Variants in EPC2 observed in about 807,000 individuals in gnomAD.
The protein encoded by EPC2 is enhancer of polycomb homolog 2.
EPC2 carries 14 observed loss-of-function variants against 92.1 expected under a neutral mutation model. The observed-to-expected ratio is 0.15, with a 90% CI of 0.10 to 0.24. EPC2 has a LOEUF of 0.24. Among genes scored for constraint, EPC2 ranks in the 10% least tolerant of loss-of-function variants. EPC2 has a pLI of 1.00. For synonymous variants in EPC2, 340 were observed against 334.7 expected (o/e 1.02, Z -0.17); for missense variants, 755 against 971.5 (o/e 0.78, Z 2.96).
chr2:148,769,419 G>A (rs1042262473), intron 8 of EPC2, among the ~76,000 whole-genome samples, 179 bp downstream of exon 8: 1 of 152,082 alleles, frequency 6.6e-6, no homozygotes, highest in Non-Finnish European at 1.5e-5. Flanking sequence ...AAAGGGCGTC[G>A]GAATCCTCTT....
intron 2 of EPC2, chr2:148,692,679 C>T (rs1681668304): frequency 6.6e-6 from 1 of 152,136 alleles, no homozygotes; most frequent in Admixed American, 6.5e-5. Flanking sequence ...TTAAGGATCT[C>T]TCTTAAGCCA....
chr2:148,677,956 A>G (rs1353594227), intron 1 of EPC2, among the ~76,000 whole-genome samples: 1 of 152,168 alleles, frequency 6.6e-6, no homozygotes, highest in Non-Finnish European at 1.5e-5. Context: ...AAAGAGCGAA[A>G]GAACAAAGCT....
At chr2:148,697,165 C>T (rs1358086540) in intron 2 of EPC2, among the ~76,000 whole-genome samples, 1 of 152,204 alleles carries the variant, frequency 6.6e-6, no homozygotes, top group African/African-American at 2.4e-5. Context: ...TAATCCAGGC[C>T]ATCTGGCTCC....
Position 148,644,898 on chromosome 2 carries a change from G to A in EPC2, c.-120G>A, listed in dbSNP as rs1054970502. The A allele has an allele frequency of 4.7e-6, 4 of 848,196 alleles. No homozygotes were observed. In the Admixed American group the frequency reaches 9.1e-5, roughly 19 times the overall value. 52.5% of individuals were successfully genotyped at this position (848,196 alleles called of 1,614,324 possible). A position where few individuals can be genotyped will look rare whatever the true frequency, so the allele number is the denominator to read the frequency against. ...TGTGGCCGGGGGCAGTGAGGAGGAG[G>A]AGGAGCGGGCCGGCCGCGCTGCACT... On this transcript the variant is annotated 5_prime_UTR_variant, in exon 1 of 14. Transcript: ENST00000258484.
rs763560365 is a variant in EPC2, at chr2:148,784,787, T to C, written c.2137T>C (p.Cys713Arg). 1.9e-6 allele frequency: 3 copies of C among 1,613,918 alleles called. No homozygotes were observed. In the East Asian group the frequency reaches 6.7e-5, roughly 36 times the overall value. ...TACAAACCACTTAATCCCAGCATTGTGCACAAGCAGTCCTCAGACACTTCC... is the reference window on the plus strand; with the variant it reads ...TACAAACCACTTAATCCCAGCATTGCGCACAAGCAGTCCTCAGACACTTCC... Reference protein sequence around the residue: ...TTTNHLIPALCTSSPQTLPMN... With the variant: ...TTTNHLIPALRTSSPQTLPMN... Residue 713 changes from cysteine to arginine, a missense_variant, in exon 13 of 14, where the codon TGC (cysteine) becomes CGC (arginine). Cys to Arg is a radical substitution (Grantham distance 180). Around this residue, in one of 4 missense-constraint regions of EPC2, gnomAD observed 207 missense variants for 260.5 expected, o/e 0.79. Coordinates refer to ENST00000258484, the MANE Select transcript of EPC2 (RefSeq NM_015630.4).
At chr2:148,777,225 G>T (rs1683665031) in intron 10 of EPC2, among the ~76,000 whole-genome samples, 1 of 151,624 alleles carries the variant, frequency 6.6e-6, no homozygotes, top group Admixed American at 6.6e-5. Flanking sequence ...AGACTGACCT[G>T]GTAGATGAAG....
chr2:148,772,224 A>C (rs907790799), intron 10 of EPC2, among the ~76,000 whole-genome samples: 1 of 152,212 alleles, frequency 6.6e-6, no homozygotes, highest in African/African-American at 2.4e-5. Context: ...ATAATGTATA[A>C]TATCTAGAGA....
chr2:148,696,425 A>G (rs1487220321), intron 2 of EPC2, among the ~76,000 whole-genome samples: 2 of 152,230 alleles, frequency 1.3e-5, no homozygotes, highest in Non-Finnish European at 2.9e-5. Flanking sequence ...TCCACTTTTC[A>G]AAAAAGAAAA....
rs370991144 is a variant in EPC2, at chr2:148,775,927, A to G, written c.1720+4540A>G. ...CAAGTAGCTGGGACTACAGGTGCCCACCACCACACCTGCCTAATTGTTTTT... is the reference window on the plus strand; with the variant it reads ...CAAGTAGCTGGGACTACAGGTGCCCGCCACCACACCTGCCTAATTGTTTTT... On this transcript the variant is annotated intron_variant, in intron 10 of 13. Transcript: ENST00000258484. 1.1e-3 allele frequency among the ~76,000 whole-genome samples: 168 copies of G among 151,390 alleles called. 2 individuals are homozygous for G. In the East Asian group the frequency reaches 0.027, roughly 25 times the overall value.
rs896471875 is a variant in EPC2, at chr2:148,654,273, A to C, written c.153+9103A>C. 2.0e-5 allele frequency among the ~76,000 whole-genome samples: 3 copies of C among 152,086 alleles called. No individual in the cohort carries two copies. In the South Asian group the frequency reaches 6.2e-4, roughly 31 times the overall value. ...AGATTACATTTTTTTGTAAAAACTT[A>C]AGTCTGTGTCTTATAGGCAACACTC... On this transcript the variant is annotated intron_variant, in intron 1 of 13. Transcript: ENST00000258484.
intron 1 of EPC2, among the ~76,000 whole-genome samples, chr2:148,658,359 T>A (rs1475444139): frequency 6.6e-6 from 1 of 151,994 alleles, no homozygotes; most frequent in Non-Finnish European, 1.5e-5. Flanking sequence ...CATAAAAATG[T>A]GAAAAACATG....
chr2:148,783,476 C>G, intron 11 of EPC2, 121 bp from the exon 12 acceptor site: 1 of 914,300 alleles, frequency 1.1e-6, no homozygotes, highest in Non-Finnish European at 1.6e-6. Flanking sequence ...ATCGCTTAAT[C>G]TAAACACTTG....
chr2:148,654,256 T>A (rs1456331562), intron 1 of EPC2, among the ~76,000 whole-genome samples: 2 of 152,158 alleles, frequency 1.3e-5, no homozygotes, highest in Admixed American at 6.5e-5. Flanking sequence ...CAAGATTACA[T>A]TTTTTTGTAA....
chr2:148,652,317 C>T (rs1416823822), intron 1 of EPC2, among the ~76,000 whole-genome samples: 1 of 152,104 alleles, frequency 6.6e-6, no homozygotes, highest in African/African-American at 2.4e-5. Flanking sequence ...AATTTGTATA[C>T]TTAGTGTGTT....
intron 1 of EPC2, among the ~76,000 whole-genome samples, chr2:148,658,742 TTTAC>T (rs1680869669): frequency 6.6e-6 from 1 of 151,944 alleles, no homozygotes; most frequent in African/African-American, 2.4e-5. Context: ...AAAACGCTGC[TTTAC>T]TTAATTCAGC....
intron 1 of EPC2, among the ~76,000 whole-genome samples, chr2:148,682,930 T>C (rs1443238493): frequency 6.6e-6 from 1 of 152,196 alleles, no homozygotes; most frequent in African/African-American, 2.4e-5. Context: ...TTAATGTGTC[T>C]CTTTTGGCAA....
intron 8 of EPC2, 23 bp downstream of exon 8, chr2:148,769,263 G>C (rs1003928542): frequency 6.4e-7 from 1 of 1,559,934 alleles, no homozygotes; most frequent in Admixed American, 1.8e-5. Context: ...GTGTGTGTGT[G>C]GTGTTTTTGT....
intron 7 of EPC2, among the ~76,000 whole-genome samples, chr2:148,768,682 T>G (rs559153725): frequency 2.6e-5 from 4 of 151,990 alleles, no homozygotes; most frequent in Admixed American, 6.6e-5. Flanking sequence ...GCCTTTGGGG[T>G]TTTTTTTGTT....
At chr2:148,772,738 A>G (rs1226977188) in intron 10 of EPC2, among the ~76,000 whole-genome samples, 1 of 152,210 alleles carries the variant, frequency 6.6e-6, no homozygotes, top group South Asian at 2.1e-4. Context: ...CTTGAAGCTG[A>G]AATGGATGAA....
Sources: allele counts gnomAD v4.1 joint callset (sites outside exome capture counted in the v4.1 genomes callset), GRCh38; gene constraint gnomAD v4.1.1; regional missense constraint gnomAD v4.1.1; transcripts MANE v1.5; gene names NCBI Gene and HGNC (gene_info 2026-07-23, HGNC 2026-07-21).